The following ARMC2 variants were observed in gnomAD, a reference collection of about 807,000 sequenced individuals.
ARMC2 encodes the protein armadillo repeat containing 2, also known as armadillo repeat-containing protein 2.
Under a neutral mutation model 90.3 loss-of-function variants are expected in ARMC2, and 67 were observed. That is an observed-to-expected ratio of 0.74 (90% CI 0.61 to 0.91). The LOEUF (loss-of-function observed/expected upper bound fraction) is 0.91. ARMC2 is among the 40% of genes least tolerant of loss of function. ARMC2 has a pLI of 0.00. For missense variants in ARMC2, 920 were observed against 1,030.9 expected, an observed-to-expected ratio of 0.89 and a Z score of 1.47; for synonymous variants, 393 against 393.0, an observed-to-expected ratio of 1.00 and a Z score of 0.00.
intron 12 of ARMC2, among the ~76,000 whole-genome samples, chr6:108,937,566 T>C (rs1270091840): frequency 1.3e-5 from 2 of 152,244 alleles, no homozygotes; most frequent in Non-Finnish European, 2.9e-5. Context: ...CCAGGTAAAG[T>C]GTTTAAATGA....
At chr6:109,014,752 C>G in the ARMC2 span, among the ~76,000 whole-genome samples, 5 of 152,152 alleles carry the variant, frequency 3.3e-5, no homozygotes, top group Admixed American at 6.5e-5. Flanking sequence ...TTGGTGGCCT[C>G]ATGCCACCCA....
chr6:108,920,338 T>A (rs1774431523), intron 10 of ARMC2, among the ~76,000 whole-genome samples: 1 of 152,106 alleles, frequency 6.6e-6, no homozygotes, highest in African/African-American at 2.4e-5. Context: ...TACAGGCACG[T>A]GCCGCCACTT....
the ARMC2 span, among the ~76,000 whole-genome samples, chr6:108,986,150 A>AGAC: frequency 6.6e-6 from 1 of 152,194 alleles, no homozygotes; most frequent in Non-Finnish European, 1.5e-5. Flanking sequence ...TTTGTTCTGT[A>AGAC]GTCTCTCCCT....
intron 2 of ARMC2, among the ~76,000 whole-genome samples, chr6:108,857,207 C>T (rs76179958): frequency 2.6e-5 from 4 of 152,200 alleles, no homozygotes; most frequent in African/African-American, 4.8e-5. Context: ...TGAAAATGGA[C>T]GATCTCTTCA....
chr6:108,970,133 A>T (rs949689755), intron 17 of ARMC2, among the ~76,000 whole-genome samples: 1 of 152,186 alleles, frequency 6.6e-6, no homozygotes, highest in Non-Finnish European at 1.5e-5. Context: ...CCCATGTGAT[A>T]TGGCACTTTT....
At chr6:108,892,409 T>C (rs1771160489) in intron 5 of ARMC2, among the ~76,000 whole-genome samples, 1 of 152,078 alleles carries the variant, frequency 6.6e-6, no homozygotes, top group Non-Finnish European at 1.5e-5. Flanking sequence ...TTTTGGAAAA[T>C]TGACTTCATC....
intron 13 of ARMC2, among the ~76,000 whole-genome samples, chr6:108,955,286 A>T (rs185766773): frequency 6.6e-6 from 1 of 152,172 alleles, no homozygotes; most frequent in Non-Finnish European, 1.5e-5. Flanking sequence ...CAAGAACCCC[A>T]GTTTCTGAGA....
intron 5 of ARMC2, among the ~76,000 whole-genome samples, chr6:108,890,967 C>G (rs1031626019): frequency 7.4e-6 from 1 of 135,276 alleles, no homozygotes; most frequent in Non-Finnish European, 1.5e-5. Context: ...CATGTGTTCT[C>G]ATTGTTCAAC....
intron 17 of ARMC2, among the ~76,000 whole-genome samples, chr6:108,968,075 A>C (rs1485003337): frequency 5.9e-5 from 9 of 152,154 alleles, no homozygotes; most frequent in Non-Finnish European, 1.2e-4. Context: ...TCCCCTTTGC[A>C]ACTGAACCAC....
At chr6:109,009,061 T>C in the ARMC2 span, 7 of 946,320 alleles carry the variant, frequency 7.4e-6, no homozygotes, top group Non-Finnish European at 8.0e-6. Flanking sequence ...ATTTACGTAT[T>C]GGAGACTTTC....
chr6:108,904,115 T>G, intron 7 of ARMC2, 115 bp from the exon 8 acceptor site: 1 of 1,241,372 alleles, frequency 8.1e-7, no homozygotes, highest in Admixed American at 2.3e-5. Context: ...GGTCAGGAAT[T>G]TGAAGATATC....
In ARMC2 at chr6:108,964,375, G is replaced by C; in HGVS notation, c.2285+63G>C. The C allele has an allele frequency of 1.9e-6, 3 of 1,561,520 alleles. No individual in the cohort carries two copies. In the South Asian group the frequency reaches 3.6e-5, roughly 19 times the overall value. On this transcript the variant is annotated intron_variant, in intron 16 of 17. Transcript: ENST00000392644. ...TTTGAAGGACATCATTTTCTTGGGA[G>C]CTTTGGCCCTTTCATCATTCCTGTG...
At chr6:108,952,681 G>A (rs1328008995) in intron 12 of ARMC2, among the ~76,000 whole-genome samples, 1 of 152,090 alleles carries the variant, frequency 6.6e-6, no homozygotes, top group African/African-American at 2.4e-5. Context: ...ACCGGCTATT[G>A]TCAAAACTTA....
chr6:108,882,834 T>G (rs1482978207), intron 5 of ARMC2, among the ~76,000 whole-genome samples: 2 of 152,208 alleles, frequency 1.3e-5, no homozygotes, highest in Non-Finnish European at 2.9e-5. Context: ...CATTTAATAT[T>G]CACAACAACT....
At chr6:109,000,959 G>A in the ARMC2 span, among the ~76,000 whole-genome samples, 2 of 152,036 alleles carry the variant, frequency 1.3e-5, no homozygotes, top group East Asian at 1.9e-4. Context: ...TTCAATTAAG[G>A]TGCCAATCAT....
At chr6:108,981,471 A>G in the ARMC2 span, among the ~76,000 whole-genome samples, 1 of 151,906 alleles carries the variant, frequency 6.6e-6, no homozygotes, top group Admixed American at 6.6e-5. Context: ...ACAACTCCCC[A>G]TTTTCACCCC....
intron 5 of ARMC2, among the ~76,000 whole-genome samples, chr6:108,878,337 C>T (rs533666339): frequency 1.3e-5 from 2 of 152,116 alleles, no homozygotes; most frequent in Admixed American, 1.3e-4. Flanking sequence ...GCTGGGCTGG[C>T]AGGAGCAGGG....
At chr6:108,938,176 GTTTATGGACCAAATAA>G (rs886819265) in intron 12 of ARMC2, among the ~76,000 whole-genome samples, 29 of 152,228 alleles carry the variant, frequency 1.9e-4, no homozygotes, top group South Asian at 6.2e-4. Flanking sequence ...AGTTTTGCGA[GTTTATGGACCAAATAA>G]TTTATGTATA....
chr6:109,020,983 C>A, the ARMC2 span, among the ~76,000 whole-genome samples: 1 of 152,116 alleles, frequency 6.6e-6, no homozygotes, highest in Non-Finnish European at 1.5e-5. Flanking sequence ...CTCCTTCACC[C>A]ACCATTTTAG....
Sources: gnomAD v4.1 joint callset for allele counts (sites outside exome capture counted in the v4.1 genomes callset) on GRCh38, gnomAD v4.1.1 for gene constraint, MANE v1.5 for transcripts, NCBI Gene and HGNC (gene_info 2026-07-23, HGNC 2026-07-21) for gene names.